Variants in IQCM observed in about 807,000 individuals in gnomAD.
IQCM encodes IQ motif containing M, also known as IQ domain-containing protein M.
A neutral mutation model predicts 57.6 loss-of-function variants in IQCM; 45 were observed. The observed-to-expected ratio is 0.78, with a 90% CI of 0.62 to 1.00. The LOEUF is 1.00. Among genes scored for constraint, IQCM ranks in the 50% least tolerant of loss-of-function variants. The pLI is 0.00. For synonymous variants in IQCM, 148 were observed against 158.9 expected (o/e 0.93, Z 0.51); for missense variants, 468 against 511.6 (o/e 0.91, Z 0.82).
chr4:149,401,814 A>C (rs1289214742), intron 13 of IQCM, among the ~76,000 whole-genome samples: 1 of 151,854 alleles, frequency 6.6e-6, no homozygotes, highest in Non-Finnish European at 1.5e-5. Context: ...CAACTTTCCC[A>C]ACAAATACTC....
intron 2 of IQCM, among the ~76,000 whole-genome samples, chr4:149,768,413 G>T (rs912465106): frequency 6.6e-6 from 1 of 152,000 alleles, no homozygotes; most frequent in Non-Finnish European, 1.5e-5. Context: ...TTGGATTATG[G>T]ATAAGTACAA....
At chr4:149,704,033 A>G (rs1390322749) in intron 5 of IQCM, among the ~76,000 whole-genome samples, 1 of 151,762 alleles carries the variant, frequency 6.6e-6, no homozygotes, top group African/African-American at 2.4e-5. Flanking sequence ...GGAGCCTCCA[A>G]TTTTCTAATC....
intron 12 of IQCM, among the ~76,000 whole-genome samples, chr4:149,468,362 G>A (rs528670655): frequency 7.9e-5 from 12 of 152,288 alleles, no homozygotes; most frequent in Non-Finnish European, 1.2e-4. Flanking sequence ...CCACACCCAC[G>A]GAGCCTTGCT....
chr4:149,433,184 A>C (rs1735030055), intron 13 of IQCM, among the ~76,000 whole-genome samples: 1 of 152,060 alleles, frequency 6.6e-6, no homozygotes, highest in Non-Finnish European at 1.5e-5. Flanking sequence ...GTGAATAGAC[A>C]GGCACAATGT....
chr4:149,805,656 A>G (rs1774009613), intron 2 of IQCM, among the ~76,000 whole-genome samples: 1 of 152,116 alleles, frequency 6.6e-6, no homozygotes, highest in African/African-American at 2.4e-5. Flanking sequence ...AAAGTGAAGT[A>G]ATAGCTGTTG....
intron 12 of IQCM, among the ~76,000 whole-genome samples, chr4:149,469,928 G>A (rs958235136): frequency 1.3e-5 from 2 of 152,198 alleles, no homozygotes; most frequent in Non-Finnish European, 2.9e-5. Flanking sequence ...AAGGCTGAGA[G>A]ATTTTGTCAC....
chr4:149,418,130 C>T (rs1460723486), intron 13 of IQCM, among the ~76,000 whole-genome samples: 2 of 146,748 alleles, frequency 1.4e-5, no homozygotes, highest in Non-Finnish European at 3.0e-5. Flanking sequence ...GAGAGAGAGA[C>T]CAAAAGACCC....
At chr4:149,645,693 C>T (rs1758570998) in intron 7 of IQCM, among the ~76,000 whole-genome samples, 1 of 151,990 alleles carries the variant, frequency 6.6e-6, no homozygotes, top group Non-Finnish European at 1.5e-5. Context: ...ATCAAATGTG[C>T]ATATGGGGTG....
chr4:149,709,713 C>A (rs901982228), intron 5 of IQCM, among the ~76,000 whole-genome samples: 5 of 152,058 alleles, frequency 3.3e-5, no homozygotes, highest in African/African-American at 1.2e-4. Context: ...TTAAGTGTGG[C>A]ACATTTAATT....
intron 5 of IQCM, among the ~76,000 whole-genome samples, chr4:149,691,151 A>C (rs887295410): frequency 3.9e-5 from 6 of 152,182 alleles, no homozygotes; most frequent in Non-Finnish European, 5.9e-5. Context: ...TATATGGATT[A>C]TCATGTTTTA....
At chr4:149,564,996 A>T (rs1301666432) in intron 9 of IQCM, among the ~76,000 whole-genome samples, 2 of 152,116 alleles carry the variant, frequency 1.3e-5, no homozygotes, top group Non-Finnish European at 2.9e-5. Flanking sequence ...TTTACATATG[A>T]TAGCCAGTTT....
intron 5 of IQCM, among the ~76,000 whole-genome samples, chr4:149,692,987 C>T (rs1472591948): frequency 1.3e-5 from 2 of 152,074 alleles, no homozygotes; most frequent in Non-Finnish European, 2.9e-5. Flanking sequence ...AAACTGCCAA[C>T]TTAGGTATGA....
chr4:149,680,807 C>T (rs957313065), intron 7 of IQCM, among the ~76,000 whole-genome samples: 6 of 151,320 alleles, frequency 4.0e-5, no homozygotes, highest in Non-Finnish European at 1.5e-5. Context: ...AGCTAATAAC[C>T]AGGATTCTCT....
chr4:149,729,411 TTCC>T (rs1455741562), intron 5 of IQCM, among the ~76,000 whole-genome samples: 1 of 152,212 alleles, frequency 6.6e-6, no homozygotes, highest in African/African-American at 2.4e-5. Context: ...ATCTATTTGC[TTCC>T]AGTTAATTCT....
At chr4:149,372,164 C>T (rs1371461625) in intron 13 of IQCM, among the ~76,000 whole-genome samples, 1 of 152,156 alleles carries the variant, frequency 6.6e-6, no homozygotes, top group East Asian at 1.9e-4. Context: ...CTGCAGTTGA[C>T]AATCAAGCCA....
At chr4:149,542,527 T>C (rs1480267738) in intron 12 of IQCM, among the ~76,000 whole-genome samples, 1 of 152,068 alleles carries the variant, frequency 6.6e-6, no homozygotes, top group Non-Finnish European at 1.5e-5. Flanking sequence ...TAGAAAAGTC[T>C]CTTTCTAAGC....
At chr4:149,414,754 G>A (rs1213287018) in intron 13 of IQCM, among the ~76,000 whole-genome samples, 1 of 151,630 alleles carries the variant, frequency 6.6e-6, no homozygotes, top group Admixed American at 6.6e-5. Context: ...TCTCCTTCTA[G>A]CAACAATATA....
chr4:149,417,532 A>G (rs747509103), intron 13 of IQCM, among the ~76,000 whole-genome samples: 13 of 152,160 alleles, frequency 8.5e-5, no homozygotes, highest in Non-Finnish European at 1.8e-4. Flanking sequence ...AGTCCAGTGA[A>G]GTTTAATTTA....
chr4:149,618,398 C>T (rs566012460), intron 8 of IQCM, among the ~76,000 whole-genome samples: 33 of 152,140 alleles, frequency 2.2e-4, no homozygotes, highest in Non-Finnish European at 4.1e-4. Context: ...CCATAAAAAT[C>T]CTAGAAGAAA....
Sources: allele counts gnomAD v4.1 joint callset (sites outside exome capture counted in the v4.1 genomes callset), GRCh38; gene constraint gnomAD v4.1.1; transcripts MANE v1.5; gene names NCBI Gene and HGNC (gene_info 2026-07-23, HGNC 2026-07-21).